Variants in ROBO2 observed in about 807,000 individuals in gnomAD.
The protein encoded by ROBO2 is roundabout homolog 2.
Under a neutral mutation model 160.8 loss-of-function variants are expected in ROBO2, and 53 were observed. The ratio of observed to expected loss-of-function variants is 0.33; its 90% CI spans 0.26 to 0.41. The LOEUF is 0.41. Ranked by LOEUF, ROBO2 falls within the 10% of genes least tolerant of loss-of-function variation. The pLI is 1.00. For missense variants in ROBO2, 1,577 were observed against 1,722.4 expected, an observed-to-expected ratio of 0.92 and a Z score of 1.49; for synonymous variants, 664 against 611.7, an observed-to-expected ratio of 1.09 and a Z score of -1.26.
chr3:77,206,693 G>A (rs573469454), intron 2 of ROBO2, among the ~76,000 whole-genome samples: 4 of 151,936 alleles, frequency 2.6e-5, no homozygotes, highest in Non-Finnish European at 5.9e-5. Context: ...TTGGAATAAG[G>A]TAATTTTAAT....
rs72897269 is a variant in ROBO2 at position 77,359,538 on chromosome 3, A to G, written c.389-117876A>G. Among the ~76,000 whole-genome samples, 1,331 of 152,264 alleles carry G rather than the reference A, an allele frequency of 8.7e-3. 17 individuals carry two copies. The highest frequency in any genetic ancestry group is 0.03 in the African/African-American group (1,243 of 41,542). Reference sequence around the variant, plus strand: ...TTGTGTAGTGAGCCTTCAAAAATGAAGGCTTGCTGAAGAACACCATTACCT... The same window carrying G: ...TTGTGTAGTGAGCCTTCAAAAATGAGGGCTTGCTGAAGAACACCATTACCT... On this transcript the variant is annotated intron_variant, in intron 2 of 25. Transcript: ENST00000461745.
At chr3:77,530,044 A>G (rs2091531485) in intron 6 of ROBO2, among the ~76,000 whole-genome samples, 1 of 151,986 alleles carries the variant, frequency 6.6e-6, no homozygotes, top group African/African-American at 2.4e-5. Context: ...TATTAAAATC[A>G]TAGAAAAACT....
intron 2 of ROBO2, among the ~76,000 whole-genome samples, chr3:76,550,924 C>A (rs994616719): frequency 4.3e-4 from 66 of 152,118 alleles, no homozygotes; most frequent in Non-Finnish European, 8.1e-4. Context: ...TTAGTGTGAA[C>A]AGCCTGGGTG....
intron 2 of ROBO2, among the ~76,000 whole-genome samples, chr3:76,840,645 T>TTATATATATATATATA (rs3068959): frequency 1.3e-4 from 17 of 134,974 alleles, no homozygotes; most frequent in African/African-American, 4.7e-4. Flanking sequence ...TAATTATATT[T>TTATATATATATATATA]TATATATATA....
At chr3:76,023,097 A>G (rs1198384325) in intron 2 of ROBO2, among the ~76,000 whole-genome samples, 1 of 151,502 alleles carries the variant, frequency 6.6e-6, no homozygotes. Context: ...CTAGCTTCCA[A>G]TTTTTCTTCT....
intron 2 of ROBO2, among the ~76,000 whole-genome samples, chr3:77,268,812 G>A (rs1247405932): frequency 6.6e-6 from 1 of 152,184 alleles, no homozygotes; most frequent in East Asian, 1.9e-4. Context: ...GCTCTTGGTA[G>A]ATTTAGCAGC....
intron 2 of ROBO2, among the ~76,000 whole-genome samples, chr3:77,355,391 C>G (rs1025994497): frequency 6.6e-6 from 1 of 152,102 alleles, no homozygotes; most frequent in African/African-American, 2.4e-5. Flanking sequence ...GTGTGTACAC[C>G]AAGAGTTTTG....
intron 1 of ROBO2, among the ~76,000 whole-genome samples, chr3:77,092,650 CAA>C (rs954564662): frequency 4.2e-5 from 6 of 144,336 alleles, no homozygotes; most frequent in Admixed American, 7.0e-5. Flanking sequence ...TATATTTTAA[CAA>C]TATATATTAT....
chr3:77,021,133 C>G (rs1458359463), intron 2 of ROBO2, among the ~76,000 whole-genome samples: 1 of 151,816 alleles, frequency 6.6e-6, no homozygotes, highest in Non-Finnish European at 1.5e-5. Flanking sequence ...CCTGGGAGGT[C>G]GAGGTTGCAG....
intron 1 of ROBO2, among the ~76,000 whole-genome samples, chr3:75,925,339 G>A (rs1035094876): frequency 3.9e-5 from 6 of 152,032 alleles, no homozygotes; most frequent in Non-Finnish European, 7.4e-5. Flanking sequence ...GCGGTGAACC[G>A]TGATTATGCC....
chr3:76,093,943 C>T (rs1191992316), intron 2 of ROBO2, among the ~76,000 whole-genome samples: 1 of 152,006 alleles, frequency 6.6e-6, no homozygotes, highest in African/African-American at 2.4e-5. Context: ...ATAGGGTTGT[C>T]TGGTTAAGAT....
At chr3:76,702,001 TA>T (rs1285693133) in intron 2 of ROBO2, among the ~76,000 whole-genome samples, 6 of 152,038 alleles carry the variant, frequency 3.9e-5, no homozygotes, top group African/African-American at 1.4e-4. Flanking sequence ...TCTGCACCAA[TA>T]TCTATATATT....
chr3:76,858,602 C>T (rs750074387), intron 2 of ROBO2, among the ~76,000 whole-genome samples: 8 of 152,140 alleles, frequency 5.3e-5, no homozygotes, highest in Non-Finnish European at 1.2e-4. Context: ...CTAACCATGT[C>T]ATGAGTAATA....
At position 76,371,580 on chromosome 3, in the gene ROBO2, A is replaced by T. The variant is rs565419104; in HGVS notation, c.109+433978A>T. On this transcript the variant is annotated intron_variant, in intron 2 of 26. Coordinates refer to the ROBO2 transcript ENST00000487694. ...CTGATGTGAGAAAAAGCAAAACAAG[A>T]AACTTAAAGATTAGCTGCATATCAA... is the stretch of plus-strand genomic sequence containing the variant. Among the ~76,000 whole-genome samples, 12 of 152,056 alleles carry T rather than the reference A, an allele frequency of 7.9e-5. No homozygotes were observed. The East Asian group carries it at 2.1e-3, about 27-fold the overall frequency.
intron 2 of ROBO2, among the ~76,000 whole-genome samples, chr3:76,779,549 C>A (rs2062495816): frequency 6.6e-6 from 1 of 150,864 alleles, no homozygotes; most frequent in Admixed American, 6.6e-5. Context: ...CTACTATCTG[C>A]TTCTATGGGT....
intron 2 of ROBO2, among the ~76,000 whole-genome samples, chr3:76,523,405 T>G (rs2081748161): frequency 6.6e-6 from 1 of 152,150 alleles, no homozygotes; most frequent in Non-Finnish European, 1.5e-5. Flanking sequence ...CCTTTTTCCT[T>G]TGTACCTTCG....
chr3:76,476,049 A>C (rs1045613547), intron 2 of ROBO2, among the ~76,000 whole-genome samples: 2 of 152,158 alleles, frequency 1.3e-5, no homozygotes, highest in African/African-American at 4.8e-5. Flanking sequence ...GCTACTTGGG[A>C]GGCCGAGGCA....
chr3:77,508,042 C>A (rs1370857504), intron 5 of ROBO2, among the ~76,000 whole-genome samples: 4 of 151,654 alleles, frequency 2.6e-5, no homozygotes, highest in Non-Finnish European at 1.5e-5. Flanking sequence ...ACCAAAGAAA[C>A]CCTTTCTCTA....
chr3:76,596,220 G>A (rs1048949189), intron 2 of ROBO2, among the ~76,000 whole-genome samples: 5 of 152,090 alleles, frequency 3.3e-5, no homozygotes, highest in African/African-American at 1.2e-4. Context: ...GAATTGTTGA[G>A]TTTTAATTTC....
Sources: gnomAD v4.1 joint callset for allele counts (sites outside exome capture counted in the v4.1 genomes callset) on GRCh38, gnomAD v4.1.1 for gene constraint, MANE v1.5 for transcripts, NCBI Gene and HGNC (gene_info 2026-07-23, HGNC 2026-07-21) for gene names.